Variants in AMZ1 observed in about 807,000 individuals in gnomAD.
The protein encoded by AMZ1 is archaemetzincin-1.
Under a neutral mutation model 29.9 loss-of-function variants are expected in AMZ1, and 39 were observed. That is an observed-to-expected ratio of 1.30 (90% CI 1.01 to 1.70). The LOEUF is 1.70. Among genes scored for constraint, AMZ1 ranks in the 40% most tolerant of loss-of-function variants. AMZ1 has a pLI of 0.00. For synonymous variants in AMZ1, 458 were observed against 304.0 expected, an observed-to-expected ratio of 1.51 and a Z score of -5.27; for missense variants, 1,041 against 680.6, an observed-to-expected ratio of 1.53 and a Z score of -5.89.
At chr7:2,733,543 GGAAT>G in intron 4 of AMZ1, 1 of 1,521,728 alleles carries the variant, frequency 6.6e-7, no homozygotes, top group Non-Finnish European at 9.1e-7. Context: ...TCTGGACTGA[GGAAT>G]CCTGATGTGG....
intron 6 of AMZ1, among the ~76,000 whole-genome samples, chr7:2,710,516 G>A (rs1171270547): frequency 6.6e-6 from 1 of 152,162 alleles, no homozygotes; most frequent in African/African-American, 2.4e-5. Context: ...GCAAGTGGGG[G>A]TGTGGTTCCC....
downstream of AMZ1, among the ~76,000 whole-genome samples, chr7:2,722,434 G>A (rs550916983): frequency 9.9e-5 from 15 of 152,144 alleles, no homozygotes; most frequent in South Asian, 2.7e-3. Flanking sequence ...CACCATGCCC[G>A]GCTAATTTTT....
At chr7:2,698,186 A>G (rs2115089681) in intron 1 of AMZ1, among the ~76,000 whole-genome samples, 1 of 152,234 alleles carries the variant, frequency 6.6e-6, no homozygotes, top group Non-Finnish European at 1.5e-5. Flanking sequence ...GTGCCACTAT[A>G]CTCTAGCCTG....
chr7:2,712,275 C>T (rs1024948630), intron 6 of AMZ1, 55 bp from the exon 7 acceptor site: 16 of 1,490,942 alleles, frequency 1.1e-5, no homozygotes, highest in South Asian at 1.4e-5. Flanking sequence ...TGGCAGTTCC[C>T]TGGCTAGACA....
chr7:2,694,242 G>T (rs1015248516), intron 1 of AMZ1, among the ~76,000 whole-genome samples: 5 of 152,192 alleles, frequency 3.3e-5, no homozygotes, highest in Non-Finnish European at 7.3e-5. Context: ...GGGAGGAGGA[G>T]TTCACCCCTC....
upstream of AMZ1, chr7:2,760,250 G>A (rs758168410): frequency 2.0e-5 from 3 of 152,424 alleles, no homozygotes; most frequent in African/African-American, 7.2e-5. Flanking sequence ...ACCCCAGCAC[G>A]AGCTGCTCAG....
intron 4 of AMZ1, among the ~76,000 whole-genome samples, chr7:2,735,772 A>G (rs374026588): frequency 6.6e-6 from 1 of 152,158 alleles, no homozygotes; most frequent in South Asian, 2.1e-4. Flanking sequence ...GAGGAGTCAA[A>G]TCTAGTTTCA....
chr7:2,750,992 A>C (rs1056440500), intron 4 of AMZ1, among the ~76,000 whole-genome samples: 1 of 152,218 alleles, frequency 6.6e-6, no homozygotes, highest in African/African-American at 2.4e-5. Context: ...CACAATGTAC[A>C]TCAGAAAGTA....
chr7:2,753,838 T>C (rs910261988), intron 4 of AMZ1, among the ~76,000 whole-genome samples: 1 of 152,190 alleles, frequency 6.6e-6, no homozygotes, highest in Non-Finnish European at 1.5e-5. Flanking sequence ...CTTTTTCTTC[T>C]GGGCAACCTC....
Position 2,709,733 on chromosome 7 carries a change from C to T in AMZ1, c.865C>T (p.Leu289=). ...MQGALSLDEA[L]RRPLDLCPIC... is the part of the protein sequence containing the mutation. ...GGGTGCGCTCAGCCTGGACGAGGCCCTGCGGCGGCCCCTGGACCTCTGTCC... is the reference window on the plus strand; with the variant it reads ...GGGTGCGCTCAGCCTGGACGAGGCCTTGCGGCGGCCCCTGGACCTCTGTCC... Residue 289 remains leucine, a synonymous_variant, in exon 6 of 7, where the codon CTG becomes TTG. Transcript: ENST00000683327. The T allele has an allele frequency of 6.2e-7, 1 of 1,611,452 alleles. No individual in the cohort carries two copies. The highest frequency in any genetic ancestry group is 8.5e-7 in the Non-Finnish European group (1 of 1,179,882).
chr7:2,694,527 C>T (rs1433073656), intron 1 of AMZ1, among the ~76,000 whole-genome samples: 1 of 152,096 alleles, frequency 6.6e-6, no homozygotes. Context: ...GCCGCCCCTG[C>T]TCAAGTGATC....
At chr7:2,737,274 G>GTTTTGTTTTGTTTTTTTTT (rs1790242698) in intron 4 of AMZ1, among the ~76,000 whole-genome samples, 5 of 35,046 alleles carry the variant, frequency 1.4e-4, no homozygotes, top group African/African-American at 3.9e-4. Flanking sequence ...GTTTTGTTTT[G>GTTTTGTTTTGTTTTTTTTT]TTTTTTTTTT....
At chr7:2,704,568 T>C (rs910884253) in intron 3 of AMZ1, among the ~76,000 whole-genome samples, 5 of 150,852 alleles carry the variant, frequency 3.3e-5, no homozygotes, top group Non-Finnish European at 7.4e-5. Context: ...TGGATTCTTT[T>C]TGAAATTAGC....
At chr7:2,683,639 C>T (rs1283991877), upstream of AMZ1, among the ~76,000 whole-genome samples, 2 of 152,020 alleles carry the variant, frequency 1.3e-5, no homozygotes, top group African/African-American at 2.4e-5. Flanking sequence ...GGGGTTTCAC[C>T]GTGTTAGCCA....
chr7:2,750,464 C>A (rs1341827289), intron 4 of AMZ1, among the ~76,000 whole-genome samples: 2 of 152,202 alleles, frequency 1.3e-5, no homozygotes, highest in Non-Finnish European at 2.9e-5. Flanking sequence ...TTGAATAATA[C>A]CCAACCTTAT....
chr7:2,682,149 C>T (rs1786904393), intron 1 of AMZ1, among the ~76,000 whole-genome samples: 1 of 152,206 alleles, frequency 6.6e-6, no homozygotes, highest in Non-Finnish European at 1.5e-5. Context: ...ACAGGCTGGG[C>T]ACAGGGAGGC....
At chr7:2,734,325 A>T (rs1386420998) in intron 4 of AMZ1, among the ~76,000 whole-genome samples, 1 of 152,168 alleles carries the variant, frequency 6.6e-6, no homozygotes, top group East Asian at 1.9e-4. Context: ...AAAACCAATT[A>T]TACCACTTTC....
At chr7:2,762,778 T>A, upstream of AMZ1, 3 of 1,544,534 alleles carry the variant, frequency 1.9e-6, no homozygotes, top group Non-Finnish European at 2.6e-6. Context: ...CCACCCAGGC[T>A]GTACAAAAGG....
In AMZ1 at chr7:2,718,399, C is replaced by T. The variant is rs898096755; in HGVS notation, c.*5521C>T. Among the ~76,000 whole-genome samples the T allele has an allele frequency of 2.0e-5, 3 of 152,204 alleles. No homozygotes were observed. The highest frequency in any genetic ancestry group is 4.4e-5 in the Non-Finnish European group (3 of 68,034). On this transcript the variant is annotated 3_prime_UTR_variant, in exon 7 of 7. Coordinates refer to ENST00000683327, the MANE Select transcript of AMZ1 (RefSeq NM_001384743.1). ...CTTTCTCGAGTCCAAGACCATCTCC[C>T]GTTCAAGGGCCCTCACCGCGCTTTG...
Sources: gnomAD v4.1 joint callset for allele counts (sites outside exome capture counted in the v4.1 genomes callset) on GRCh38, gnomAD v4.1.1 for gene constraint, MANE v1.5 for transcripts, NCBI Gene and HGNC (gene_info 2026-07-23, HGNC 2026-07-21) for gene names.